The following SIMC1 variants were observed in gnomAD, a reference collection of about 807,000 sequenced individuals.
SIMC1 encodes the protein SUMO interacting motifs containing 1.
Under a neutral mutation model 82.3 loss-of-function variants are expected in SIMC1, and 55 were observed. The ratio of observed to expected loss-of-function variants is 0.67; its 90% CI spans 0.54 to 0.84. The LOEUF is 0.84. Among genes scored for constraint, SIMC1 ranks in the 40% least tolerant of loss-of-function variants. SIMC1 has a pLI of 0.00. For missense variants in SIMC1, 915 were observed against 1,107.2 expected, an observed-to-expected ratio of 0.83 and a Z score of 2.46; for synonymous variants, 353 against 426.3, an observed-to-expected ratio of 0.83 and a Z score of 2.12.
At position 176,268,862 on chromosome 5, in the gene SIMC1, AT is replaced by A. The variant is rs373057267; in HGVS notation, c.130-20791del. Among the ~76,000 whole-genome samples the A allele has an allele frequency of 2.4e-4, 36 of 152,326 alleles. No individual in the cohort carries two copies. The East Asian group carries it at 6.0e-3, about 25-fold the overall frequency. The stretch of plus-strand genomic sequence containing the variant: ...TAGAACTGTAACTAACAAATACAGA[AT>A]ACACTTTTTCTCCCTAAGTACACAA... On this transcript the variant is annotated intron_variant, in intron 1 of 9. Coordinates refer to ENST00000429602, the MANE Select transcript of SIMC1 (RefSeq NM_001308195.2).
At chr5:176,311,931 A>G (rs1257614000) in intron 4 of SIMC1, among the ~76,000 whole-genome samples, 6 of 152,220 alleles carry the variant, frequency 3.9e-5, no homozygotes, top group Admixed American at 2.0e-4. Context: ...CTCTGAAAAT[A>G]GCAGGGCTGG....
At chr5:176,310,441 T>C (rs1289375771) in intron 4 of SIMC1, among the ~76,000 whole-genome samples, 1 of 152,148 alleles carries the variant, frequency 6.6e-6, no homozygotes, top group Non-Finnish European at 1.5e-5. Flanking sequence ...AAACAAACCA[T>C]CCATAACTTG....
chr5:176,345,014 A>C (rs1766372451), intron 9 of SIMC1, among the ~76,000 whole-genome samples, 169 bp from the exon 10 acceptor site: 1 of 152,150 alleles, frequency 6.6e-6, no homozygotes, highest in African/African-American at 2.4e-5. Flanking sequence ...ACTGAGAACA[A>C]AGGGCCTTTT....
rs568500007 is a variant in SIMC1, at chr5:176,295,439, A to G, written c.1664+177A>G. 1.4e-4 allele frequency among the ~76,000 whole-genome samples: 21 copies of G among 152,354 alleles called. No individual in the cohort carries two copies. The East Asian group carries it at 3.5e-3, about 25-fold the overall frequency. ...GTCCAAACAGACCTTAACTACTGCT[A>G]AAAGAGAATTTAATGGCTCGTGTTA... is the stretch of plus-strand genomic sequence containing the variant. On this transcript the variant is annotated intron_variant, in intron 3 of 9. Coordinates refer to ENST00000429602, the MANE Select transcript of SIMC1 (RefSeq NM_001308195.2).
chr5:176,320,430 C>T (rs994549553), intron 5 of SIMC1, among the ~76,000 whole-genome samples: 17 of 151,938 alleles, frequency 1.1e-4, no homozygotes, highest in African/African-American at 1.7e-4. Context: ...TGCAGCAACC[C>T]GATCACAGCT....
intron 1 of SIMC1, among the ~76,000 whole-genome samples, chr5:176,253,368 C>G (rs1378929092): frequency 6.6e-6 from 1 of 152,024 alleles, no homozygotes; most frequent in Admixed American, 6.5e-5. Flanking sequence ...TCTAAAGATA[C>G]TCCTCGAGAA....
intron 1 of SIMC1, among the ~76,000 whole-genome samples, chr5:176,263,817 A>G (rs1381561652): frequency 6.6e-6 from 1 of 152,236 alleles, no homozygotes; most frequent in African/African-American, 2.4e-5. Flanking sequence ...TCAATTTAAA[A>G]AATGCAAAAT....
rs571360763 is a variant in SIMC1, at chr5:176,314,505, G to A, written c.1889+660G>A. ...TAACCTACATTTATTCCTATCCCCC[G>A]ATGAACCTCAATATAAATCTCATTT... is the stretch of plus-strand genomic sequence containing the variant. On this transcript the variant is annotated intron_variant, in intron 5 of 9. Coordinates refer to ENST00000429602, the MANE Select transcript of SIMC1 (RefSeq NM_001308195.2). Among the ~76,000 whole-genome samples the A allele has an allele frequency of 9.2e-5, 14 of 152,224 alleles. No homozygotes were observed. The East Asian group carries it at 2.5e-3, about 27-fold the overall frequency.
rs374421813 is a variant in SIMC1, at chr5:176,337,137, G to C, written c.2404G>C (p.Val802Leu). 6.2e-7 allele frequency: 1 copy of C among 1,613,774 alleles called. No homozygotes were observed. ...LQFLLSSYQH[V>L]LREHLRSSVI... The stretch of plus-strand genomic sequence containing the variant: ...GTTTCTGCTGTCCAGTTATCAACAT[G>C]TTTTAAGAGGTAAGGAGCATTTGTT... The change falls in exon 9 of 10, where the codon GTT becomes CTT. Residue 802 changes from valine (V) to leucine (L), a missense_variant. Val to Leu is a conservative substitution (Grantham distance 32). Transcript: ENST00000429602.
chr5:176,248,035 T>G (rs1761507813), intron 1 of SIMC1, among the ~76,000 whole-genome samples: 2 of 151,940 alleles, frequency 1.3e-5, no homozygotes, highest in Non-Finnish European at 2.9e-5. Flanking sequence ...TGAACTCAGG[T>G]AGTGTGATGC....
intron 4 of SIMC1, among the ~76,000 whole-genome samples, chr5:176,305,991 C>A: frequency 1.6e-5 from 1 of 62,384 alleles, no homozygotes; most frequent in African/African-American, 6.3e-5. Flanking sequence ...GTGGGGGGGT[C>A]AGCCCCCCGC....
intron 2 of SIMC1, 61 bp downstream of exon 2, chr5:176,291,016 G>T (rs1026618113): frequency 1.9e-6 from 2 of 1,060,896 alleles, no homozygotes; most frequent in African/African-American, 1.6e-5. Flanking sequence ...GAGAAGGTCA[G>T]TGTGACTGGA....
chr5:176,249,583 G>T (rs1761573110), intron 1 of SIMC1, among the ~76,000 whole-genome samples: 1 of 151,922 alleles, frequency 6.6e-6, no homozygotes, highest in Admixed American at 6.6e-5. Context: ...GCTCACGCCT[G>T]TAATCCCAGT....
chr5:176,280,502 C>T (rs1013049221), intron 1 of SIMC1, among the ~76,000 whole-genome samples: 2 of 151,252 alleles, frequency 1.3e-5, no homozygotes, highest in Non-Finnish European at 2.9e-5. Flanking sequence ...TTATTTTGCT[C>T]GTTAGTTGAT....
intron 4 of SIMC1, among the ~76,000 whole-genome samples, chr5:176,305,990 T>C (rs1166665074): frequency 2.2e-5 from 1 of 44,720 alleles, no homozygotes; most frequent in Non-Finnish European, 4.6e-5. Context: ...GGTGGGGGGG[T>C]CAGCCCCCCG....
intron 4 of SIMC1, among the ~76,000 whole-genome samples, chr5:176,303,673 G>T (rs1244766952): frequency 6.6e-6 from 1 of 152,118 alleles, no homozygotes; most frequent in Admixed American, 6.5e-5. Flanking sequence ...CACACTTCTT[G>T]ACTGTAAAAT....
chr5:176,262,279 TA>T (rs58312244), intron 1 of SIMC1, among the ~76,000 whole-genome samples: 354 of 133,898 alleles, frequency 2.6e-3, no homozygotes, highest in African/African-American at 5.6e-3. Flanking sequence ...ATTCATGATT[TA>T]AAAAAAAAAA....
intron 2 of SIMC1, among the ~76,000 whole-genome samples, chr5:176,293,970 T>G (rs1275920402): frequency 6.6e-6 from 1 of 152,116 alleles, no homozygotes; most frequent in African/African-American, 2.4e-5. Context: ...ACATATTTTT[T>G]GGGGGAAGAA....
At chr5:176,243,418 G>C (rs548083869) in intron 1 of SIMC1, among the ~76,000 whole-genome samples, 2,242 of 152,236 alleles carry the variant, frequency 0.015, 32 homozygotes, top group Non-Finnish European at 0.022. Flanking sequence ...AGGTAGGTTA[G>C]GTTATAGGGC....
Sources: allele counts gnomAD v4.1 joint callset (sites outside exome capture counted in the v4.1 genomes callset), GRCh38; gene constraint gnomAD v4.1.1; transcripts MANE v1.5; gene names NCBI Gene and HGNC (gene_info 2026-07-23, HGNC 2026-07-21).